Variants in MEGF6 observed in about 807,000 individuals in gnomAD.
The protein encoded by MEGF6 is multiple EGF like domains 6.
MEGF6 carries 184 observed loss-of-function variants against 207.1 expected under a neutral mutation model. That is an observed-to-expected ratio of 0.89 (90% CI 0.79 to 1.00). The LOEUF is 1.00. Ranked by LOEUF, MEGF6 falls within the 50% of genes least tolerant of loss-of-function variation. The pLI is 0.00. For missense variants in MEGF6, 2,282 were observed against 2,202.9 expected (o/e 1.04, Z -0.72); for synonymous variants, 1,038 against 910.0 (o/e 1.14, Z -2.53).
At position 3,499,618 on chromosome 1, in the gene MEGF6, C is replaced by A. The variant is rs558384729; in HGVS notation, c.2935G>T (p.Ala979Ser). Residue 979 changes from alanine to serine, a missense_variant, in exon 23 of 37, where the codon GCT (alanine) becomes TCT (serine). Physicochemically the swap from Ala to Ser is moderately conservative, Grantham distance 99 (BLOSUM62 1). Transcript: ENST00000356575. ...GCACAGCGGGGGCCCCGGCGGCCAG[C>A]GGGGCAGAGGCAGGAGCCATTCACG... ...DAVNGSCLCPAGRRGPRCAET... is the reference protein window; with the variant it reads ...DAVNGSCLCPSGRRGPRCAET... 5.7e-6 allele frequency: 9 copies of A among 1,587,586 alleles called. No homozygotes were observed. Among genetic ancestry groups the A allele is most frequent in the Non-Finnish European group, 7.7e-6 (9 of 1,167,976 alleles).
At chr1:3,505,101 G>A in intron 17 of MEGF6, 107 bp downstream of exon 17, 1 of 1,466,318 alleles carries the variant, frequency 6.8e-7, no homozygotes, top group Non-Finnish European at 9.2e-7. Flanking sequence ...GGCAAAGGGG[G>A]CCGATAGTGA....
intron 35 of MEGF6, among the ~76,000 whole-genome samples, 157 bp from the exon 36 acceptor site, chr1:3,491,116 G>A (rs56356910): frequency 0.028 from 3,797 of 136,144 alleles, 85 homozygotes; most frequent in East Asian, 0.054. Context: ...GGGAAGGAAC[G>A]GGGGCGGGAG....
intron 4 of MEGF6, among the ~76,000 whole-genome samples, chr1:3,558,933 G>A (rs1034114726): frequency 1.3e-4 from 20 of 152,248 alleles, no homozygotes; most frequent in African/African-American, 4.6e-4. Context: ...AGGCTGAGGG[G>A]GAGGATCACT....
intron 17 of MEGF6, among the ~76,000 whole-genome samples, chr1:3,504,028 C>G (rs1641006104): frequency 6.6e-6 from 1 of 151,966 alleles, no homozygotes; most frequent in Non-Finnish European, 1.5e-5. Context: ...CGGACCCCTT[C>G]TCATTCCCCA....
At chr1:3,530,155 G>C (rs1376804463) in intron 4 of MEGF6, among the ~76,000 whole-genome samples, 1 of 152,294 alleles carries the variant, frequency 6.6e-6, no homozygotes, top group South Asian at 2.1e-4. Context: ...CCGCCCAGCC[G>C]GAAGGCTGCC....
chr1:3,492,685 C>G lies in MEGF6; in HGVS notation c.4470G>C (p.Gly1490=), dbSNP rs752985278. ...TGTAGCCATCCACACAGTGACACTG[C>G]CCACTGACAGGGTCGCAGTCAGCCC... is the stretch of plus-strand genomic sequence containing the variant. The part of the protein sequence containing the change: ...GGGADCDPVS[G]QCHCVDGYMG... The change falls in exon 35 of 37, where the codon GGG becomes GGC. Residue 1490 remains glycine, a synonymous_variant. Coordinates refer to ENST00000356575, the MANE Select transcript of MEGF6 (RefSeq NM_001409.4). 1.2e-6 allele frequency: 2 copies of G among 1,612,534 alleles called. No individual in the cohort carries two copies. Among genetic ancestry groups the G allele is most frequent in the African/African-American group, 1.3e-5 (1 of 74,898 alleles).
chr1:3,578,124 G>C (rs1643692873), intron 4 of MEGF6, among the ~76,000 whole-genome samples: 2 of 152,108 alleles, frequency 1.3e-5, no homozygotes, highest in African/African-American at 4.8e-5. Context: ...ACACGGCCAG[G>C]AAAGGCCACC....
chr1:3,500,455 G>A (rs1640807266), intron 21 of MEGF6, among the ~76,000 whole-genome samples, 178 bp downstream of exon 21: 1 of 152,274 alleles, frequency 6.6e-6, no homozygotes, highest in Non-Finnish European at 1.5e-5. Context: ...CAGTGCGCAT[G>A]TGCGTGCCTG....
chr1:3,578,295 C>T (rs898127399), intron 4 of MEGF6, among the ~76,000 whole-genome samples: 3 of 152,236 alleles, frequency 2.0e-5, no homozygotes, highest in Non-Finnish European at 4.4e-5. Context: ...GCGCACATTG[C>T]CAAAAGATTA....
intron 4 of MEGF6, among the ~76,000 whole-genome samples, chr1:3,526,439 C>T (rs1481601330): frequency 1.3e-5 from 2 of 150,922 alleles, no homozygotes; most frequent in South Asian, 4.2e-4. Flanking sequence ...GCTCTGTCGC[C>T]CAGGCTGGAG....
intron 4 of MEGF6, chr1:3,531,192 C>A: frequency 1.3e-6 from 2 of 1,519,246 alleles, no homozygotes; most frequent in Non-Finnish European, 1.8e-6. Context: ...CCAGGCCCCC[C>A]AGGAGCCCAA....
intron 4 of MEGF6, among the ~76,000 whole-genome samples, chr1:3,535,266 C>T (rs1469091596): frequency 6.6e-6 from 1 of 152,146 alleles, no homozygotes; most frequent in Non-Finnish European, 1.5e-5. Context: ...CACAGCGCAG[C>T]GAGGCCTTCG....
rs776416814 is a variant in MEGF6 at position 3,494,519 on chromosome 1, G to T, written c.4001-20C>A. 3.0e-5 allele frequency: 48 copies of T among 1,582,890 alleles called. No individual in the cohort carries two copies. In the Admixed American group the frequency reaches 3.4e-4, roughly 11 times the overall value. The stretch of plus-strand genomic sequence containing the variant: ...GACAGGCTGGGGACAGGGCAGGGTG[G>T]GCAGTCCTTCGGCACCAGCCTTGCC... On this transcript the variant is annotated intron_variant, in intron 31 of 36. Transcript: ENST00000356575.
rs1641173513 is a variant in MEGF6 at position 3,507,859 on chromosome 1, G to A, written c.1725C>T (p.Thr575=). Reference sequence around the variant, plus strand: ...GGCAGGCCCCCGTGACAGAGTCGCAGGTCCCACCATTCTGACAGCTGCAGG... The same window carrying A: ...GGCAGGCCCCCGTGACAGAGTCGCAAGTCCCACCATTCTGACAGCTGCAGG... ...SFSCSCQNGG[T]CDSVTGACRC... The change falls in exon 14 of 37, where the codon ACC becomes ACT. Residue 575 remains threonine (T), a synonymous_variant. Transcript: ENST00000356575. 1.2e-6 allele frequency: 2 copies of A among 1,612,726 alleles called. No homozygotes were observed. The highest frequency in any genetic ancestry group is 1.7e-6 in the Non-Finnish European group (2 of 1,179,992).
At chr1:3,608,537 G>C (rs760892647) in intron 1 of MEGF6, among the ~76,000 whole-genome samples, 1 of 152,206 alleles carries the variant, frequency 6.6e-6, no homozygotes, top group Admixed American at 6.5e-5. Context: ...CCGCCCTGGA[G>C]GGAAGGCATC....
Position 3,512,957 on chromosome 1 carries a change from G to A in MEGF6, c.854-829C>T, listed in dbSNP as rs149301998. On this transcript the variant is annotated intron_variant, in intron 7 of 36. Transcript: ENST00000356575. The stretch of plus-strand genomic sequence containing the variant: ...AGGGAAGAGTCAGGAACACCCAGAC[G>A]TGCAGGGACAGGGTTAACAAATAAA... Among the ~76,000 whole-genome samples, 249 of 152,234 alleles carry A rather than the reference G, an allele frequency of 1.6e-3. 2 individuals carry two copies. In the East Asian group the frequency reaches 0.018, roughly 11 times the overall value.
Position 3,496,018 on chromosome 1 carries a change from G to A in MEGF6, c.3743C>T (p.Thr1248Ile). The A allele has an allele frequency of 6.6e-7, 1 of 1,516,742 alleles. No individual in the cohort carries two copies. The highest frequency in any genetic ancestry group is 8.8e-7 in the Non-Finnish European group (1 of 1,139,366). The allele number at this position is 1,516,742 out of a possible 1,614,324, so 94.0% of individuals were successfully genotyped here. ...TGFLGTDCNL[T>I]CPQGRFGPNC... Reference sequence around the variant, plus strand: ...GGGGCCGAAGCGGCCCTGCGGACAGGCTGCCGGGGAGGAAGTGGTGATCGT... The same window carrying A: ...GGGGCCGAAGCGGCCCTGCGGACAGACTGCCGGGGAGGAAGTGGTGATCGT... The change falls in exon 30 of 37, where the codon ACC becomes ATC. Residue 1248 changes from threonine to isoleucine, a missense_variant and splice_region_variant. Thr to Ile is a moderately conservative substitution (Grantham distance 89). Coordinates refer to ENST00000356575, the MANE Select transcript of MEGF6 (RefSeq NM_001409.4).
rs1369098990 is a variant in MEGF6, at chr1:3,537,286, G to T, written c.482-13040C>A. 2.6e-5 allele frequency among the ~76,000 whole-genome samples: 4 copies of T among 152,252 alleles called. No homozygotes were observed. The South Asian group carries it at 8.3e-4, about 31-fold the overall frequency. Reference sequence around the variant, plus strand: ...GATGGCATCACAGACCCAGCACCTGGCATGAAACAGGGGGAAGGAGCTAAG... The same window carrying T: ...GATGGCATCACAGACCCAGCACCTGTCATGAAACAGGGGGAAGGAGCTAAG... On this transcript the variant is annotated intron_variant, in intron 4 of 36. Transcript: ENST00000356575.
chr1:3,516,662 G>A (rs1641552381), intron 5 of MEGF6, among the ~76,000 whole-genome samples: 1 of 152,210 alleles, frequency 6.6e-6, no homozygotes, highest in Non-Finnish European at 1.5e-5. Flanking sequence ...TGGAGGGGAG[G>A]GCGGTCAGAG....
Sources: gnomAD v4.1 joint callset for allele counts (sites outside exome capture counted in the v4.1 genomes callset) on GRCh38, gnomAD v4.1.1 for gene constraint, MANE v1.5 for transcripts, NCBI Gene and HGNC (gene_info 2026-07-23, HGNC 2026-07-21) for gene names.